The following DLG2 variants were observed in gnomAD, a reference collection of about 807,000 sequenced individuals.
DLG2 encodes disks large homolog 2.
A neutral mutation model predicts 132.5 loss-of-function variants in DLG2; 45 were observed. The ratio of observed to expected loss-of-function variants is 0.34; its 90% confidence interval spans 0.27 to 0.44. The LOEUF (loss-of-function observed/expected upper bound fraction) is 0.44. DLG2 is among the 20% of genes least tolerant of loss of function. The pLI, the probability that DLG2 is intolerant of heterozygous loss-of-function variation, is 1.00. For synonymous variants in DLG2, 424 were observed against 419.6 expected (o/e 1.01, Z -0.13); for missense variants, 1,045 against 1,196.9 (o/e 0.87, Z 1.87).
At chr11:83,812,590 A>G (rs1005923546) in intron 17 of DLG2, among the ~76,000 whole-genome samples, 1 of 152,176 alleles carries the variant, frequency 6.6e-6, no homozygotes, top group Non-Finnish European at 1.5e-5. Context: ...CTATAATCCC[A>G]CCATTTGAGA....
chr11:84,987,749 A>G (rs1483917398), intron 6 of DLG2, among the ~76,000 whole-genome samples: 1 of 152,224 alleles, frequency 6.6e-6, no homozygotes, highest in African/African-American at 2.4e-5. Flanking sequence ...CTCATATCTC[A>G]CCTTATAGAA....
intron 21 of DLG2, among the ~76,000 whole-genome samples, chr11:83,503,449 T>TTA (rs1159000887): frequency 8.7e-6 from 1 of 114,946 alleles, no homozygotes; most frequent in Admixed American, 9.9e-5. Context: ...ATATATATAT[T>TTA]TATACACACA....
At chr11:85,142,365 T>C (rs1167803425) in intron 5 of DLG2, among the ~76,000 whole-genome samples, 1 of 151,810 alleles carries the variant, frequency 6.6e-6, no homozygotes, top group Non-Finnish European at 1.5e-5. Context: ...AGGTTGTTCA[T>C]TGTTGACATT....
chr11:84,215,263 G>A (rs563652393), intron 8 of DLG2, among the ~76,000 whole-genome samples: 1 of 152,264 alleles, frequency 6.6e-6, no homozygotes, highest in South Asian at 2.1e-4. Context: ...CCTGATCATA[G>A]TAGGCATAGT....
intron 6 of DLG2, among the ~76,000 whole-genome samples, chr11:85,070,343 G>T (rs1367644890): frequency 6.8e-6 from 1 of 147,530 alleles, no homozygotes; most frequent in Non-Finnish European, 1.5e-5. Context: ...TAAATAAAAA[G>T]ACCTACACTC....
chr11:85,170,929 T>G (rs1555390814), intron 4 of DLG2, among the ~76,000 whole-genome samples: 1 of 142,604 alleles, frequency 7.0e-6, no homozygotes. Context: ...AAATAAGGCA[T>G]AACAAATAAA....
chr11:83,868,006 G>A (rs1595682432), intron 16 of DLG2, among the ~76,000 whole-genome samples: 1 of 152,180 alleles, frequency 6.6e-6, no homozygotes, highest in Non-Finnish European at 1.5e-5. Context: ...TAAGGAAAAG[G>A]AGCTGACAGC....
At chr11:83,830,278 G>T (rs1396225712) in intron 17 of DLG2, among the ~76,000 whole-genome samples, 1 of 152,160 alleles carries the variant, frequency 6.6e-6, no homozygotes, top group African/African-American at 2.4e-5. Flanking sequence ...CTTATTTACT[G>T]TGTGGTCCTG....
At chr11:84,227,329 T>G (rs948767723) in intron 8 of DLG2, among the ~76,000 whole-genome samples, 2 of 152,016 alleles carry the variant, frequency 1.3e-5, no homozygotes, top group African/African-American at 4.8e-5. Context: ...AAGGAAATTC[T>G]GTGTGATCAG....
chr11:83,821,992 G>C (rs551114952), intron 17 of DLG2, among the ~76,000 whole-genome samples: 3 of 152,282 alleles, frequency 2.0e-5, no homozygotes, highest in Admixed American at 2.0e-4. Context: ...GGAGGAACTT[G>C]TCGAAAGATA....
At chr11:83,544,255 A>C (rs151321318) in intron 19 of DLG2, among the ~76,000 whole-genome samples, 1 of 152,188 alleles carries the variant, frequency 6.6e-6, no homozygotes, top group African/African-American at 2.4e-5. Flanking sequence ...GTAATAAATC[A>C]TAATCATGAG....
chr11:84,479,365 T>C (rs1239792460), intron 7 of DLG2, among the ~76,000 whole-genome samples: 3 of 152,098 alleles, frequency 2.0e-5, no homozygotes, highest in African/African-American at 7.2e-5. Flanking sequence ...CTGTCTAATA[T>C]ACCTTTTCTG....
intron 7 of DLG2, among the ~76,000 whole-genome samples, chr11:84,435,564 C>A (rs1479134856): frequency 6.6e-6 from 1 of 152,152 alleles, no homozygotes; most frequent in South Asian, 2.1e-4. Flanking sequence ...AGAGAGCAAA[C>A]CTTCAGTTCT....
intron 3 of DLG2, among the ~76,000 whole-genome samples, chr11:85,503,390 A>C (rs974367543): frequency 6.6e-6 from 1 of 152,006 alleles, no homozygotes; most frequent in Non-Finnish European, 1.5e-5. Flanking sequence ...TTCCTTTTCC[A>C]TTGCAGTTGA....
intron 9 of DLG2, among the ~76,000 whole-genome samples, chr11:84,157,924 TTTTTC>T (rs2095464466): frequency 6.6e-6 from 1 of 152,190 alleles, no homozygotes; most frequent in Non-Finnish European, 1.5e-5. Flanking sequence ...GCCCAAGGGC[TTTTTC>T]TTTTCTTTTA....
intron 4 of DLG2, among the ~76,000 whole-genome samples, chr11:85,237,673 C>A (rs892101807): frequency 6.6e-6 from 1 of 152,022 alleles, no homozygotes; most frequent in African/African-American, 2.4e-5. Context: ...CATTATACCC[C>A]CTCCTGTCTG....
At chr11:84,708,437 C>T (rs141543116) in intron 6 of DLG2, among the ~76,000 whole-genome samples, 1 of 152,004 alleles carries the variant, frequency 6.6e-6, no homozygotes, top group East Asian at 1.9e-4. Flanking sequence ...CTTATGACCA[C>T]TTTCTCTAAG....
At chr11:84,315,860 C>T (rs976525176) in intron 7 of DLG2, among the ~76,000 whole-genome samples, 5 of 152,020 alleles carry the variant, frequency 3.3e-5, no homozygotes, top group African/African-American at 1.2e-4. Context: ...CACCTGTCAC[C>T]ATAACATTTT....
intron 17 of DLG2, among the ~76,000 whole-genome samples, chr11:83,818,684 G>C (rs1015940344): frequency 6.6e-6 from 1 of 152,030 alleles, no homozygotes; most frequent in African/African-American, 2.4e-5. Flanking sequence ...TGTTAGTAAG[G>C]GTATGAAAGC....
Sources: allele counts gnomAD v4.1 joint callset (sites outside exome capture counted in the v4.1 genomes callset), GRCh38; gene constraint gnomAD v4.1.1; transcripts MANE v1.5; gene names NCBI Gene and HGNC (gene_info 2026-07-23, HGNC 2026-07-21).